Variants in ALOX12 observed in about 807,000 individuals in gnomAD.
ALOX12 encodes polyunsaturated fatty acid lipoxygenase ALOX12.
ALOX12 carries 62 observed loss-of-function variants against 85.5 expected under a neutral mutation model. That is an observed-to-expected ratio of 0.73 (90% confidence interval 0.59 to 0.90). The LOEUF is 0.90. Ranked by LOEUF, ALOX12 falls within the 40% of genes least tolerant of loss-of-function variation. ALOX12 has a pLI of 0.00. For missense variants in ALOX12, 751 were observed against 856.5 expected, an observed-to-expected ratio of 0.88 and a Z score of 1.54; for synonymous variants, 299 against 332.7, an observed-to-expected ratio of 0.90 and a Z score of 1.10.
rs376815761 is a variant in ALOX12 at position 7,010,501 on chromosome 17, T to C, written c.*78T>C. ...TTCTATCTTGAATTTCATGCTTTCC[T>C]AAAGTCTCTGCTGCTAAGGCTCTAT... On this transcript the variant is annotated 3_prime_UTR_variant, in exon 14 of 14. Transcript: ENST00000251535. The C allele has an allele frequency of 3.3e-6, 5 of 1,517,576 alleles. No homozygotes were observed. The highest frequency in any genetic ancestry group is 2.3e-5 in the East Asian group (1 of 43,428). The allele number at this position is 1,517,576 out of a possible 1,614,324, so 94.0% of individuals were successfully genotyped here.
Position 6,999,074 on chromosome 17 carries a change from G to A in ALOX12, c.646+18G>A, listed in dbSNP as rs753260489. ...CCTGGCTGGTCAGTGGTTCCCCGAGGTCTCCATAATCCCTTAATGGCCCCT... is the reference window on the plus strand; with the variant it reads ...CCTGGCTGGTCAGTGGTTCCCCGAGATCTCCATAATCCCTTAATGGCCCCT... On this transcript the variant is annotated intron_variant, in intron 5 of 13. Coordinates refer to ENST00000251535, the MANE Select transcript of ALOX12 (RefSeq NM_000697.3). 1.7e-5 allele frequency: 27 copies of A among 1,609,306 alleles called. No homozygotes were observed. In the Admixed American group the frequency reaches 4.5e-4, roughly 27 times the overall value.
intron 2 of ALOX12, among the ~76,000 whole-genome samples, chr17:6,997,984 G>T (rs1294473653): frequency 6.6e-6 from 1 of 151,700 alleles, no homozygotes; most frequent in Admixed American, 6.6e-5. Context: ...ATGCAGAAAA[G>T]ACCCAGAATA....
intron 6 of ALOX12, 154 bp downstream of exon 6, chr17:6,999,620 G>A: frequency 6.5e-6 from 5 of 766,900 alleles, no homozygotes; most frequent in Non-Finnish European, 1.0e-5. Context: ...AAAATATGTA[G>A]GGGAAGAAAC....
Position 7,009,741 on chromosome 17 carries a change from G to T in ALOX12, c.1541-6G>T. On this transcript the variant is annotated splice_polypyrimidine_tract_variant and splice_region_variant and intron_variant, in intron 11 of 13. Coordinates refer to ENST00000251535, the MANE Select transcript of ALOX12 (RefSeq NM_000697.3). ...AGCTTCTAACTGCTATTCCTTTCCT[G>T]CCCAGGTTTCCCTGTCTCCTTCCAG... is the stretch of plus-strand genomic sequence containing the variant. The T allele has an allele frequency of 1.2e-6, 2 of 1,613,100 alleles. No individual in the cohort carries two copies. Among genetic ancestry groups the T allele is most frequent in the South Asian group, 2.2e-5 (2 of 91,048 alleles).
At chr17:7,002,319 A>G (rs1012420643) in intron 8 of ALOX12, 2 of 360,014 alleles carry the variant, frequency 5.6e-6, no homozygotes, top group Non-Finnish European at 1.1e-5. Flanking sequence ...GTGGATAGAG[A>G]TGTATGTTAG....
chr17:7,006,011 T>C lies in ALOX12; in HGVS notation c.1402T>C (p.Trp468Arg). Residue 468 changes from tryptophan to arginine, a missense_variant, in exon 10 of 14, where the codon TGG (tryptophan) becomes CGG (arginine). Transcript: ENST00000251535. ...CTATGCCCATGATGCTTTACGGCTC[T>C]GGGAGATCATTGCCAGGTGAGTAAG... ...ALYAHDALRL[W>R]EIIARYVEGI... 7.0e-7 allele frequency: 1 copy of C among 1,435,086 alleles called. No homozygotes were observed. The highest frequency in any genetic ancestry group is 9.2e-7 in the Non-Finnish European group (1 of 1,082,622). 88.9% of individuals were successfully genotyped at this position (1,435,086 alleles called of 1,614,324 possible). A position where few individuals can be genotyped will look rare whatever the true frequency, so the allele number is the denominator to read the frequency against.
intron 2 of ALOX12, 37 bp from the exon 3 acceptor site, chr17:6,998,472 C>CA: frequency 7.0e-7 from 1 of 1,436,920 alleles, no homozygotes; most frequent in Non-Finnish European, 9.8e-7. Context: ...TAGGACCAGA[C>CA]AGAGCCGTGA....
rs759170189 is a variant in ALOX12 at position 7,006,029 on chromosome 17, T to C, written c.1418+2T>C. 1 of 1,158,172 alleles carries C rather than the reference T, an allele frequency of 8.6e-7. No individual in the cohort carries two copies. Among genetic ancestry groups the C allele is most frequent in the East Asian group, 6.7e-5 (1 of 14,950 alleles). The allele number at this position is 1,158,172 out of a possible 1,614,324, so 71.7% of individuals were successfully genotyped here. On this transcript the variant is annotated splice_donor_variant, in intron 10 of 13. Coordinates refer to ENST00000251535, the MANE Select transcript of ALOX12 (RefSeq NM_000697.3). LOFTEE classifies it high-confidence loss of function. ...ACGGCTCTGGGAGATCATTGCCAGG[T>C]GAGTAAGGAGGAGCTGAGAAATGGT...
Position 6,996,138 on chromosome 17 carries a change from C to T in ALOX12, c.21C>T (p.Arg7=). Residue 7 remains arginine (R), a synonymous_variant, in exon 1 of 14, where the codon CGC becomes CGT. Transcript: ENST00000251535. ...GCGCCATGGGCCGCTACCGCATCCG[C>T]GTGGCCACCGGGGCCTGGCTCTTCT... is the stretch of plus-strand genomic sequence containing the variant. MGRYRI[R]VATGAWLFSG... 2 of 1,252,698 alleles carry T rather than the reference C, an allele frequency of 1.6e-6. No individual in the cohort carries two copies. The highest frequency in any genetic ancestry group is 2.0e-6 in the Non-Finnish European group (2 of 991,700). 77.6% of individuals were successfully genotyped at this position (1,252,698 alleles called of 1,614,324 possible).
In ALOX12 at chr17:7,000,944, C is replaced by T. The variant is rs11571335; in HGVS notation, c.951+465C>T. Among the ~76,000 whole-genome samples the T allele has an allele frequency of 0.61, 92,481 of 150,892 alleles. 28,534 individuals are homozygous for T. The highest frequency in any genetic ancestry group is 0.67 in the Admixed American group (10,117 of 15,176). On this transcript the variant is annotated intron_variant, in intron 7 of 13. Coordinates refer to ENST00000251535, the MANE Select transcript of ALOX12 (RefSeq NM_000697.3). The surrounding 1 kb of genome is among the most constrained non-coding windows in gnomAD (Gnocchi z 4.6). ...TCGCCATCTCTTGAATATCTTTTCT[C>T]GCAATTTCTTTTTTTTTTTTGAGAC...
intron 2 of ALOX12, 169 bp downstream of exon 2, chr17:6,997,196 T>C: frequency 5.0e-5 from 36 of 722,630 alleles, no homozygotes; most frequent in South Asian, 6.2e-5. Flanking sequence ...GAGTTATGAA[T>C]TCCCAAAGTT....
chr17:6,999,162 T>C, intron 5 of ALOX12, 106 bp downstream of exon 5: 1 of 1,473,094 alleles, frequency 6.8e-7, no homozygotes, highest in Admixed American at 1.9e-5. Flanking sequence ...CCTTATCATA[T>C]CTGGTCAACT....
chr17:6,999,973 A>G (rs1908630445), intron 6 of ALOX12, among the ~76,000 whole-genome samples: 1 of 152,192 alleles, frequency 6.6e-6, no homozygotes, highest in South Asian at 2.1e-4. Flanking sequence ...GGAATGAAAG[A>G]GCATTTGCTG....
Position 6,998,757 on chromosome 17 carries a change from A to G in ALOX12, c.462A>G (p.Ala154=), listed in dbSNP as rs778600679. The stretch of plus-strand genomic sequence containing the variant: ...AAGGGTTACCCCTGACCATCGCTGC[A>G]GACCGTAAGGATGATCTACCTCCAA... ...WKEGLPLTIA[A]DRKDDLPPNM... The change falls in exon 4 of 14, where the codon GCA becomes GCG. Residue 154 remains alanine, a synonymous_variant. Coordinates refer to ENST00000251535, the MANE Select transcript of ALOX12 (RefSeq NM_000697.3). 2.4e-5 allele frequency: 39 copies of G among 1,614,016 alleles called. No individual in the cohort carries two copies. In the African/African-American group the frequency reaches 4.5e-4, roughly 19 times the overall value.
In ALOX12 at chr17:6,996,226, C is replaced by A. The variant is rs1166644992; in HGVS notation, c.109C>A (p.Leu37Met). The change falls in exon 1 of 14, where the codon CTG (leucine) becomes ATG (methionine). Residue 37 changes from leucine to methionine, a missense_variant. Coordinates refer to ENST00000251535, the MANE Select transcript of ALOX12 (RefSeq NM_000697.3). ...GACGCGCGGGGAGGCGGAGCTGGAG[C>A]TGCAGCTGCGGCCCGCGCGGGGCGA... The part of the protein sequence containing the change: ...VGTRGEAELE[L>M]QLRPARGEEE... The A allele has an allele frequency of 8.0e-7, 1 of 1,249,378 alleles. No individual in the cohort carries two copies. The highest frequency in any genetic ancestry group is 1.0e-6 in the Non-Finnish European group (1 of 990,500). The allele number at this position is 1,249,378 out of a possible 1,614,324, so 77.4% of individuals were successfully genotyped here.
chr17:6,999,492 C>T (rs1193353030), intron 6 of ALOX12, 26 bp downstream of exon 6: 1 of 1,610,880 alleles, frequency 6.2e-7, no homozygotes, highest in Admixed American at 1.7e-5. Flanking sequence ...CTGCCTGGCA[C>T]TGTTCTCTCC....
chr17:7,004,539 G>T (rs887417164), intron 8 of ALOX12, among the ~76,000 whole-genome samples: 3 of 146,696 alleles, frequency 2.0e-5, no homozygotes, highest in African/African-American at 7.5e-5. Flanking sequence ...TAATAGCTAA[G>T]GAAAATATTT....
intron 10 of ALOX12, 36 bp downstream of exon 10, chr17:7,006,063 G>GTA: frequency 5.7e-6 from 1 of 176,988 alleles, no homozygotes; most frequent in South Asian, 4.2e-5. Flanking sequence ...GTGGGGCCGG[G>GTA]GGGGGGGGGG....
chr17:7,006,684 G>T lies in ALOX12; in HGVS notation c.1540+77G>T, dbSNP rs867532415. The T allele has an allele frequency of 1.9e-5, 28 of 1,502,218 alleles. 1 individual carries two copies. In the Middle Eastern group the frequency reaches 5.4e-4, roughly 29 times the overall value. The allele number at this position is 1,502,218 out of a possible 1,614,324, so 93.1% of individuals were successfully genotyped here. A position where few individuals can be genotyped will look rare whatever the true frequency, so the allele number is the denominator to read the frequency against. On this transcript the variant is annotated intron_variant, in intron 11 of 13. Coordinates refer to ENST00000251535, the MANE Select transcript of ALOX12 (RefSeq NM_000697.3). ...GCCTTCCCAGCCCTGCCCTTCTGGG[G>T]ACAGGACCCCAGCCTCTCATCACGC...
Sources: allele counts gnomAD v4.1 joint callset (sites outside exome capture counted in the v4.1 genomes callset), GRCh38; gene constraint gnomAD v4.1.1; non-coding constraint Gnocchi (gnomAD v3.1); transcripts MANE v1.5; gene names NCBI Gene and HGNC (gene_info 2026-07-23, HGNC 2026-07-21).